Variants in HDX observed in about 807,000 individuals in gnomAD.
The protein encoded by HDX is chromosome X open reading frame 43.
In HDX, 19 loss-of-function variants were observed where a neutral mutation model predicts 45.2. That is an observed-to-expected ratio of 0.42 (90% CI 0.29 to 0.62). The LOEUF is 0.62. HDX is among the 20% of genes least tolerant of loss of function. HDX has a pLI of 0.20. For missense variants in HDX, 532 were observed against 493.9 expected, an observed-to-expected ratio of 1.08 and a Z score of -0.73; for synonymous variants, 188 against 172.8, an observed-to-expected ratio of 1.09 and a Z score of -0.69.
At chrX:84,337,254 G>A (rs1044684249) in intron 7 of HDX, among the ~76,000 whole-genome samples, 1 of 110,838 alleles carries the variant, frequency 9.0e-6, no homozygotes, top group African/African-American at 3.3e-5. Context: ...GTGAAAAAAT[G>A]AAGGTAACAA....
chrX:84,407,119 A>C (rs1288117541), intron 5 of HDX, among the ~76,000 whole-genome samples: 1 of 111,220 alleles, frequency 9.0e-6, no homozygotes, highest in Non-Finnish European at 1.9e-5. Context: ...GAGAAATTGC[A>C]TGTCACAGGG....
At chrX:84,349,988 T>A (rs912076746) in intron 6 of HDX, among the ~76,000 whole-genome samples, 16 of 109,832 alleles carry the variant, frequency 1.5e-4, no homozygotes, top group African/African-American at 5.3e-4. Context: ...GAGTGACAGG[T>A]ACACTCAAAG....
At chrX:84,493,207 C>T (rs1029686614) in intron 1 of HDX, among the ~76,000 whole-genome samples, 4 of 112,059 alleles carry the variant, frequency 3.6e-5, no homozygotes, top group Non-Finnish European at 7.5e-5. Context: ...TAGTGACAGA[C>T]ATCTGTTTAT....
At chrX:84,453,675 T>TG (rs1210568270) in intron 4 of HDX, among the ~76,000 whole-genome samples, 1 of 111,717 alleles carries the variant, frequency 9.0e-6, no homozygotes, top group African/African-American at 3.3e-5. Flanking sequence ...GGGCAAGTCC[T>TG]GGTACTGTGC....
chrX:84,417,321 T>C (rs1457908074), intron 5 of HDX, among the ~76,000 whole-genome samples: 4 of 111,726 alleles, frequency 3.6e-5, no homozygotes. Flanking sequence ...AAAATACCTT[T>C]ATGAGCTGTC....
At chrX:84,498,821 G>GCACA (rs202067754) in intron 1 of HDX, among the ~76,000 whole-genome samples, 60 of 94,695 alleles carry the variant, frequency 6.3e-4, no homozygotes, top group East Asian at 1.1e-3. Flanking sequence ...TGGAATGTAT[G>GCACA]CACACACACA....
Position 84,375,207 on chromosome X carries a change from A to G in HDX, c.1306-13595T>C, listed in dbSNP as rs1039299938. Among the ~76,000 whole-genome samples the G allele has an allele frequency of 2.9e-3, 315 of 109,057 alleles. 1 individual carries two copies. The highest frequency in any genetic ancestry group is 0.01 in the African/African-American group (302 of 29,247). 94.7% of individuals were successfully genotyped at this position (109,057 alleles called of 115,157 possible). On this transcript the variant is annotated intron_variant, in intron 5 of 10. Transcript: ENST00000373177. Reference sequence around the variant, plus strand: ...AAATCACAATGAGATACCATCTCACACCAGTTAGAATGGCAATCATTAAAA... The same window carrying G: ...AAATCACAATGAGATACCATCTCACGCCAGTTAGAATGGCAATCATTAAAA...
chrX:84,374,059 A>C (rs1355184380), intron 5 of HDX, among the ~76,000 whole-genome samples: 1 of 110,631 alleles, frequency 9.0e-6, no homozygotes, highest in Non-Finnish European at 1.9e-5. Context: ...ACTTCAGCAA[A>C]GTCTCAGGAT....
chrX:84,443,041 A>T (rs1258619166), intron 4 of HDX, among the ~76,000 whole-genome samples: 1 of 111,257 alleles, frequency 9.0e-6, no homozygotes, highest in Non-Finnish European at 1.9e-5. Context: ...TGCAAATATT[A>T]TAAATTCCAT....
At chrX:84,478,623 G>T (rs1404403484) in intron 2 of HDX, among the ~76,000 whole-genome samples, 2 of 112,010 alleles carry the variant, frequency 1.8e-5, no homozygotes, top group Non-Finnish European at 3.8e-5. Flanking sequence ...GGAGGCTGAG[G>T]TAGGAGGATT....
chrX:84,397,406 T>C (rs779352037), intron 5 of HDX, among the ~76,000 whole-genome samples: 5 of 111,730 alleles, frequency 4.5e-5, no homozygotes, highest in Non-Finnish European at 9.4e-5. Context: ...AGTTCCCTCT[T>C]TGGGCAGTGT....
At position 84,371,583 on chromosome X, in the gene HDX, C is replaced by A. The variant is rs191741388; in HGVS notation, c.1306-9971G>T. On this transcript the variant is annotated intron_variant, in intron 5 of 10. Coordinates refer to ENST00000373177, the MANE Select transcript of HDX (RefSeq NM_001177479.2). ...ATCTCGTGCTGGCTATTGTTTTGTT[C>A]TTTTAGATATTATACATTTCTGTAT... 2.5e-3 allele frequency among the ~76,000 whole-genome samples: 279 copies of A among 111,626 alleles called. 2 individuals are homozygous for A. The highest frequency in any genetic ancestry group is 9.3e-3 in the Middle Eastern group (2 of 216).
intron 7 of HDX, among the ~76,000 whole-genome samples, chrX:84,339,392 C>T (rs1048076624): frequency 4.5e-5 from 5 of 111,450 alleles, no homozygotes; most frequent in African/African-American, 1.6e-4. Flanking sequence ...AGGTAACATT[C>T]TTTAAAGGTT....
intron 5 of HDX, among the ~76,000 whole-genome samples, chrX:84,362,629 C>T (rs1320287438): frequency 9.1e-6 from 1 of 110,437 alleles, no homozygotes. Context: ...ACAACTGTTG[C>T]AATTCCTGGC....
intron 4 of HDX, among the ~76,000 whole-genome samples, chrX:84,450,882 G>A (rs2039983004): frequency 9.0e-6 from 1 of 111,546 alleles, no homozygotes; most frequent in South Asian, 3.7e-4. Context: ...CTAGAAATCA[G>A]TAACAGGAGG....
intron 5 of HDX, among the ~76,000 whole-genome samples, 183 bp from the exon 6 acceptor site, chrX:84,361,795 A>G (rs745585013): frequency 1.8e-5 from 2 of 111,968 alleles, no homozygotes; most frequent in East Asian, 5.6e-4. Flanking sequence ...TTCCATAACA[A>G]TACAGTGTGT....
intron 5 of HDX, among the ~76,000 whole-genome samples, chrX:84,371,449 C>G (rs927570432): frequency 1.8e-5 from 2 of 112,019 alleles, no homozygotes; most frequent in Non-Finnish European, 3.8e-5. Context: ...TGAGGGGAGA[C>G]TAACTTAACA....
At chrX:84,329,295 G>A (rs540098512) in intron 9 of HDX, among the ~76,000 whole-genome samples, 173 of 111,706 alleles carry the variant, frequency 1.5e-3, no homozygotes, top group Middle Eastern at 4.6e-3. Flanking sequence ...TGGCCAAGAG[G>A]GGGGGTTCAT....
At position 84,475,407 on chromosome X, in the gene HDX, A is replaced by G; in HGVS notation, c.1-10T>C. 1 of 1,062,409 alleles carries G rather than the reference A, an allele frequency of 9.4e-7. No individual in the cohort carries two copies. Among genetic ancestry groups the G allele is most frequent in the Non-Finnish European group, 1.3e-6 (1 of 791,127 alleles). The allele number at this position is 1,062,409 out of a possible 1,213,427, so 87.6% of individuals were successfully genotyped here. A position where few individuals can be genotyped will look rare whatever the true frequency, so the allele number is the denominator to read the frequency against. ...CAGAACGTAGATTCATCTAAAAATA[A>G]AAGAAGATACTCTGAAAATTGGAAT... On this transcript the variant is annotated splice_polypyrimidine_tract_variant and intron_variant, in intron 2 of 10. Coordinates refer to ENST00000373177, the MANE Select transcript of HDX (RefSeq NM_001177479.2).
Sources: allele counts gnomAD v4.1 joint callset (sites outside exome capture counted in the v4.1 genomes callset), GRCh38; gene constraint gnomAD v4.1.1; transcripts MANE v1.5; gene names NCBI Gene and HGNC (gene_info 2026-07-23, HGNC 2026-07-21).